COL10A1: variants seen among roughly 807,000 people sequenced by gnomAD.
COL10A1 encodes collagen type X alpha 1 chain, also known as collagen alpha-1(X) chain.
COL10A1 carries 10 observed loss-of-function variants against 18.2 expected under a neutral mutation model. The ratio of observed to expected loss-of-function variants is 0.55; its 90% CI spans 0.34 to 0.93. The LOEUF (loss-of-function observed/expected upper bound fraction) is 0.93. COL10A1 is among the 40% of genes least tolerant of loss of function. The probability of loss-of-function intolerance (pLI) is 0.02; values close to 1 mark genes in which losing one functional copy is unlikely to be tolerated. For synonymous variants in COL10A1, 330 were observed against 316.6 expected (o/e 1.04, Z -0.45); for missense variants, 897 against 853.5 (o/e 1.05, Z -0.64).
chr6:116,172,218 A>G, the COL10A1 span, among the ~76,000 whole-genome samples: 2 of 152,028 alleles, frequency 1.3e-5, no homozygotes, highest in Admixed American at 6.6e-5. Flanking sequence ...TCACTTTTAC[A>G]TAGTATATAA....
intron 1 of COL10A1, among the ~76,000 whole-genome samples, chr6:116,135,431 T>C (rs114418401): frequency 0.029 from 4,413 of 151,970 alleles, 229 homozygotes; most frequent in African/African-American, 0.099. Flanking sequence ...CCTTTTTATT[T>C]AACAACTCCA....
chr6:116,155,648 A>G (rs917824091), intron 1 of COL10A1, among the ~76,000 whole-genome samples: 4 of 151,900 alleles, frequency 2.6e-5, no homozygotes, highest in African/African-American at 9.7e-5. Context: ...ATTACAACAT[A>G]GGTTGTAAAA....
rs1779028589 is a variant in COL10A1 at position 116,119,099 on chromosome 6, A to G, written c.*974T>C. The G allele has an allele frequency of 6.5e-6, 1 of 152,686 alleles. No homozygotes were observed. Among genetic ancestry groups the G allele is most frequent in the Non-Finnish European group, 1.5e-5 (1 of 68,044 alleles). The allele number at this position is 152,686 out of a possible 1,614,324, so 9.5% of individuals were successfully genotyped here. A position where few individuals can be genotyped will look rare whatever the true frequency, so the allele number is the denominator to read the frequency against. Reference sequence around the variant, plus strand: ...TTTTGTGCTTTAATAAGTGAGGCACAGCTTAAAAGTTTTAAACAGCAATAT... The same window carrying G: ...TTTTGTGCTTTAATAAGTGAGGCACGGCTTAAAAGTTTTAAACAGCAATAT... On this transcript the variant is annotated 3_prime_UTR_variant, in exon 3 of 3. Transcript: ENST00000651968.
chr6:116,184,449 G>T, the COL10A1 span, among the ~76,000 whole-genome samples: 1 of 151,776 alleles, frequency 6.6e-6, no homozygotes, highest in Non-Finnish European at 1.5e-5. Context: ...TTTTGAAATA[G>T]TGTCAATTGG....
chr6:116,208,894 C>A, the COL10A1 span, among the ~76,000 whole-genome samples: 4 of 151,912 alleles, frequency 2.6e-5, no homozygotes, highest in Non-Finnish European at 4.4e-5. Context: ...ATAGAGAACC[C>A]AGGCCAGAGA....
the COL10A1 span, among the ~76,000 whole-genome samples, chr6:116,212,636 A>G: frequency 6.6e-6 from 1 of 152,158 alleles, no homozygotes; most frequent in African/African-American, 2.4e-5. Flanking sequence ...TCCTTTGAAT[A>G]CCAATCTAGT....
chr6:116,129,690 T>C (rs1319391913), upstream of COL10A1, among the ~76,000 whole-genome samples: 1 of 152,192 alleles, frequency 6.6e-6, no homozygotes, highest in African/African-American at 2.4e-5. Flanking sequence ...TCATCATAAA[T>C]TACCCCGTCT....
At chr6:116,176,385 TTC>T in the COL10A1 span, among the ~76,000 whole-genome samples, 1 of 152,170 alleles carries the variant, frequency 6.6e-6, no homozygotes, top group South Asian at 2.1e-4. Flanking sequence ...CAGGGTATAG[TTC>T]TCTGTTCTGG....
the COL10A1 span, among the ~76,000 whole-genome samples, chr6:116,192,874 G>A: frequency 6.6e-6 from 1 of 152,002 alleles, no homozygotes; most frequent in Non-Finnish European, 1.5e-5. Context: ...AACTTCCCCT[G>A]CTTTCTCACG....
At chr6:116,186,705 T>C in the COL10A1 span, among the ~76,000 whole-genome samples, 3 of 152,120 alleles carry the variant, frequency 2.0e-5, 1 homozygote, top group Admixed American at 2.0e-4. Flanking sequence ...TTTCTCTAAG[T>C]GTGTCCTTGA....
intron 1 of COL10A1, 46 bp from the exon 2 acceptor site, chr6:116,125,553 TA>T: frequency 1.3e-6 from 2 of 1,555,234 alleles, no homozygotes; most frequent in African/African-American, 1.4e-5. Context: ...GTTATTAACC[TA>T]TTTTTTTATT....
Position 116,143,667 on chromosome 6 carries a change from T to C in COL10A1, c.-16+14947A>G, listed in dbSNP as rs146587673. 2.1e-3 allele frequency among the ~76,000 whole-genome samples: 325 copies of C among 152,334 alleles called. 2 individuals carry two copies. Among genetic ancestry groups the C allele is most frequent in the African/African-American group, 7.3e-3 (304 of 41,558 alleles). On this transcript the variant is annotated intron_variant, in intron 1 of 1. Coordinates refer to the COL10A1 transcript ENST00000418500. ...TTTTTATTGCTGTTAATTTAATATT[T>C]TGTTGCATTACTTTTTTGTTTTGCA...
Position 116,121,865 on chromosome 6 carries a change from C to T in COL10A1, c.251G>A (p.Gly84Asp), listed in dbSNP as rs756215724. The T allele has an allele frequency of 6.2e-7, 1 of 1,613,990 alleles. No individual in the cohort carries two copies. The highest frequency in any genetic ancestry group is 8.5e-7 in the Non-Finnish European group (1 of 1,179,998). The change falls in exon 3 of 3, where the codon GGC (glycine) becomes GAC (aspartate). Residue 84 changes from glycine to aspartate, a missense_variant. Gly to Asp is a moderately conservative substitution (Grantham distance 94). Transcript: ENST00000651968. Reference protein sequence around the residue: ...PGPSGPPGKPGYGSPGLQGEP... With the variant: ...PGPSGPPGKPDYGSPGLQGEP... ...TCCTTGGAGTCCAGGACTTCCGTAGCCTGGTTTTCCTGGTGGTCCAGAAGG... is the reference window on the plus strand; with the variant it reads ...TCCTTGGAGTCCAGGACTTCCGTAGTCTGGTTTTCCTGGTGGTCCAGAAGG...
upstream of COL10A1, among the ~76,000 whole-genome samples, chr6:116,130,835 C>A (rs1194038621): frequency 6.6e-6 from 1 of 151,978 alleles, no homozygotes; most frequent in Admixed American, 6.6e-5. Flanking sequence ...ATGATACTCA[C>A]AATTTCTCAA....
chr6:116,141,092 A>C (rs1779753754), intron 1 of COL10A1, among the ~76,000 whole-genome samples: 2 of 152,152 alleles, frequency 1.3e-5, no homozygotes, highest in Non-Finnish European at 2.9e-5. Flanking sequence ...ACTTGGTGTC[A>C]TTTAAACTTC....
chr6:116,216,932 A>C, the COL10A1 span, among the ~76,000 whole-genome samples: 2 of 152,150 alleles, frequency 1.3e-5, no homozygotes, highest in Non-Finnish European at 2.9e-5. Flanking sequence ...AAATATTTAA[A>C]TCTCTTCTAA....
At chr6:116,125,153 T>C (rs983995260) in intron 2 of COL10A1, among the ~76,000 whole-genome samples, 186 bp downstream of exon 2, 5 of 152,224 alleles carry the variant, frequency 3.3e-5, no homozygotes, top group Non-Finnish European at 7.3e-5. Flanking sequence ...AGTATATCCT[T>C]TCTACTACAC....
rs552277679 is a variant in COL10A1, at chr6:116,119,158, A to T, written c.*915T>A. Reference sequence around the variant, plus strand: ...AGTACAGTGCATAAATAAATAATATATCTCCACTTCTAGTCGAATTTTGAA... The same window carrying T: ...AGTACAGTGCATAAATAAATAATATTTCTCCACTTCTAGTCGAATTTTGAA... On this transcript the variant is annotated 3_prime_UTR_variant, in exon 3 of 3. Coordinates refer to ENST00000651968, the MANE Select transcript of COL10A1 (RefSeq NM_000493.4). The T allele has an allele frequency of 6.5e-6, 1 of 152,792 alleles. No individual in the cohort carries two copies. Among genetic ancestry groups the T allele is most frequent in the East Asian group, 1.9e-4 (1 of 5,192 alleles). 9.5% of individuals were successfully genotyped at this position (152,792 alleles called of 1,614,324 possible).
At chr6:116,153,208 T>A (rs1251098983) in intron 1 of COL10A1, among the ~76,000 whole-genome samples, 1 of 152,102 alleles carries the variant, frequency 6.6e-6, no homozygotes, top group Non-Finnish European at 1.5e-5. Flanking sequence ...AGAATTTTTT[T>A]AAATCATAAA....
Sources: allele counts gnomAD v4.1 joint callset (sites outside exome capture counted in the v4.1 genomes callset), GRCh38; gene constraint gnomAD v4.1.1; transcripts MANE v1.5; gene names NCBI Gene and HGNC (gene_info 2026-07-23, HGNC 2026-07-21).